DIP2C: variants seen among roughly 807,000 people sequenced by gnomAD.
DIP2C encodes the protein DIP2 acetate--CoA ligase C (putative), also known as disco-interacting protein 2 homolog C.
DIP2C carries 33 observed loss-of-function variants against 192.4 expected under a neutral mutation model. The observed-to-expected ratio is 0.17, with a 90% CI of 0.13 to 0.23. DIP2C has a LOEUF of 0.23. DIP2C is among the 10% of genes least tolerant of loss of function. DIP2C has a pLI of 1.00. For synonymous variants in DIP2C, 979 were observed against 864.1 expected (o/e 1.13, Z -2.33); for missense variants, 1,537 against 2,110.1 (o/e 0.73, Z 5.32).
intron 29 of DIP2C, among the ~76,000 whole-genome samples, chr10:334,506 G>C (rs1008125846): frequency 6.6e-6 from 1 of 151,948 alleles, no homozygotes; most frequent in African/African-American, 2.4e-5. Flanking sequence ...TGAACTCTGT[G>C]CCTAACCAAG....
chr10:441,260 T>C, intron 3 of DIP2C: 1 of 390,372 alleles, frequency 2.6e-6, no homozygotes, highest in South Asian at 3.8e-5. Context: ...ATTTGTCTTT[T>C]TAGGGTGAAT....
In DIP2C at chr10:341,267, G is replaced by A. The variant is rs762490613; in HGVS notation, c.3516C>T (p.Pro1172=). The A allele has an allele frequency of 1.2e-6, 2 of 1,614,218 alleles. No homozygotes were observed. The highest frequency in any genetic ancestry group is 2.2e-5 in the South Asian group (2 of 91,074). ...CCAGGCAGATGGCCACTTCTCTAGAGGGGTAAAGTTCACACTGCAGCTTAA... is the reference window on the plus strand; with the variant it reads ...CCAGGCAGATGGCCACTTCTCTAGAAGGGTAAAGTTCACACTGCAGCTTAA... ...RSIKLQCELY[P]SREVAICLDP... The change falls in exon 29 of 37, where the codon CCC becomes CCT. Residue 1172 remains proline (P), a synonymous_variant. Transcript: ENST00000280886.
At chr10:635,343 G>A (rs1280610942) in intron 1 of DIP2C, among the ~76,000 whole-genome samples, 4 of 152,210 alleles carry the variant, frequency 2.6e-5, no homozygotes, top group African/African-American at 7.2e-5. Flanking sequence ...GGCTGTGATC[G>A]CCCCTCACAG....
At chr10:579,805 G>T (rs960362796) in intron 1 of DIP2C, among the ~76,000 whole-genome samples, 4 of 151,666 alleles carry the variant, frequency 2.6e-5, no homozygotes, top group Non-Finnish European at 5.9e-5. Flanking sequence ...ATGTACATAG[G>T]TACACTATAA....
At chr10:302,522 G>A (rs1956100865) in intron 32 of DIP2C, among the ~76,000 whole-genome samples, 1 of 152,116 alleles carries the variant, frequency 6.6e-6, no homozygotes, top group Non-Finnish European at 1.5e-5. Flanking sequence ...CTGAGAAGCT[G>A]GAGGTAAAAA....
At chr10:348,269 C>G (rs984409692) in intron 26 of DIP2C, among the ~76,000 whole-genome samples, 3 of 152,240 alleles carry the variant, frequency 2.0e-5, no homozygotes, top group African/African-American at 7.2e-5. Flanking sequence ...CAAAAAGGAG[C>G]AGGAAACTTC....
chr10:388,775 G>C (rs779902714), intron 13 of DIP2C, among the ~76,000 whole-genome samples: 1 of 152,220 alleles, frequency 6.6e-6, no homozygotes, highest in Non-Finnish European at 1.5e-5. Flanking sequence ...ATTCCACAGC[G>C]GAGCGGCAGA....
chr10:336,214 T>G (rs1321373423), intron 29 of DIP2C, among the ~76,000 whole-genome samples: 3 of 152,178 alleles, frequency 2.0e-5, no homozygotes, highest in South Asian at 2.1e-4. Context: ...AAAAAAAAAT[T>G]TAAAAATCAG....
chr10:508,455 G>A (rs1044043592), intron 1 of DIP2C, among the ~76,000 whole-genome samples: 20 of 152,274 alleles, frequency 1.3e-4, no homozygotes, highest in South Asian at 6.2e-4. Context: ...TACCTAACTG[G>A]ATAATTTCAT....
At position 283,344 on chromosome 10, in the gene DIP2C, T is replaced by C; in HGVS notation, c.4222A>G (p.Thr1408Ala). 1 of 1,614,128 alleles carries C rather than the reference T, an allele frequency of 6.2e-7. No individual in the cohort carries two copies. Among genetic ancestry groups the C allele is most frequent in the Non-Finnish European group, 8.5e-7 (1 of 1,180,008 alleles). Residue 1408 changes from threonine (T) to alanine (A), a missense_variant, in exon 35 of 37, where the codon ACC (threonine) becomes GCC (alanine). Thr to Ala is a moderately conservative substitution (Grantham distance 58, BLOSUM62 0). Transcript: ENST00000280886. ...CCTGTGCGTGCCCAGATGGTCTGGG[T>C]GTCTCCAAAACTTAGTCTTGAGTTG... ...HFNSRLSFGD[T>A]QTIWARTGYL...
chr10:326,920 G>A (rs1041446488), intron 31 of DIP2C, 86 bp downstream of exon 31: 14 of 1,480,402 alleles, frequency 9.5e-6, no homozygotes, highest in African/African-American at 2.8e-5. Flanking sequence ...AGCATCAGCC[G>A]AGGGAGACGA....
chr10:557,952 G>C (rs1433686358), intron 1 of DIP2C, among the ~76,000 whole-genome samples: 5 of 151,864 alleles, frequency 3.3e-5, no homozygotes, highest in African/African-American at 7.3e-5. Context: ...ACCCTGGAGG[G>C]CTGGAGGCAG....
At position 651,020 on chromosome 10, in the gene DIP2C, C is replaced by G. The variant is rs1855855070; in HGVS notation, c.85+38474G>C. On this transcript the variant is annotated intron_variant, in intron 1 of 36. Coordinates refer to ENST00000280886, the MANE Select transcript of DIP2C (RefSeq NM_014974.3). The surrounding 1 kb of genome is among the most constrained non-coding windows in gnomAD (Gnocchi z 4.1). The stretch of plus-strand genomic sequence containing the variant: ...CGGTGCCAGGGCTCAGGCCCCAGCC[C>G]CCGTTTCTGCAGAAGCCCCTTTCCA... 1 of 717,240 alleles carries G rather than the reference C, an allele frequency of 1.4e-6. No homozygotes were observed. The highest frequency in any genetic ancestry group is 2.0e-5 in the Admixed American group (1 of 50,000). The allele number at this position is 717,240 out of a possible 1,614,324, so 44.4% of individuals were successfully genotyped here.
chr10:678,845 C>T (rs1217042246), intron 1 of DIP2C, among the ~76,000 whole-genome samples: 10 of 93,442 alleles, frequency 1.1e-4, no homozygotes, highest in South Asian at 4.2e-4. Flanking sequence ...CCGTGCTCCC[C>T]GCACCCATCT....
In DIP2C at chr10:487,567, G is replaced by GTTTT. The variant is rs71376836; in HGVS notation, c.86-1041_86-1038dup. On this transcript the variant is annotated intron_variant, in intron 1 of 36. Transcript: ENST00000280886. Reference sequence around the variant, plus strand: ...AACCCGCATCCGCCCATCAATGAGTGTTTTTTTTTTTTTTTTTTTTTTTTT... The same window carrying GTTTT: ...AACCCGCATCCGCCCATCAATGAGTGTTTTTTTTTTTTTTTTTTTTTTTTTTTTT... Among the ~76,000 whole-genome samples, 99 of 54,196 alleles carry GTTTT rather than the reference G, an allele frequency of 1.8e-3. 13 individuals carry two copies. Among genetic ancestry groups the GTTTT allele is most frequent in the African/African-American group, 5.2e-3 (66 of 12,572 alleles). The allele number at this position is 54,196 out of a possible 152,430, so 35.6% of individuals were successfully genotyped here. A position where few individuals can be genotyped will look rare whatever the true frequency, so the allele number is the denominator to read the frequency against.
intron 32 of DIP2C, among the ~76,000 whole-genome samples, chr10:300,358 A>C (rs1044419372): frequency 2.0e-5 from 3 of 152,210 alleles, no homozygotes; most frequent in African/African-American, 7.2e-5. Flanking sequence ...ATCAACCTTG[A>C]GGACATTATG....
At chr10:655,948 T>C (rs1429094167) in intron 1 of DIP2C, among the ~76,000 whole-genome samples, 1 of 150,484 alleles carries the variant, frequency 6.6e-6, no homozygotes, top group Non-Finnish European at 1.5e-5. Context: ...TCTTCTGTTC[T>C]ACGCTACCCT....
At chr10:326,922 G>A (rs1470468446) in intron 31 of DIP2C, 84 bp downstream of exon 31, 2 of 1,487,748 alleles carry the variant, frequency 1.3e-6, no homozygotes, top group Non-Finnish European at 1.8e-6. Flanking sequence ...CATCAGCCGA[G>A]GGAGACGAGT....
At chr10:514,176 A>ACACCTGCT (rs1303457543) in intron 1 of DIP2C, among the ~76,000 whole-genome samples, 11 of 151,956 alleles carry the variant, frequency 7.2e-5, no homozygotes, top group African/African-American at 2.4e-4. Context: ...CCCACCACAA[A>ACACCTGCT]CACCTGCTAA....
Sources: gnomAD v4.1 joint callset for allele counts (sites outside exome capture counted in the v4.1 genomes callset) on GRCh38, gnomAD v4.1.1 for gene constraint, Gnocchi (gnomAD v3.1) non-coding constraint, MANE v1.5 for transcripts, NCBI Gene and HGNC (gene_info 2026-07-23, HGNC 2026-07-21) for gene names.